The following MYO15A variants were observed in gnomAD, a reference collection of about 807,000 sequenced individuals.
MYO15A encodes the protein myosin XVA.
In MYO15A, 308 loss-of-function variants were observed where a neutral mutation model predicts 394.6. That is an observed-to-expected ratio of 0.78 (90% confidence interval 0.71 to 0.86). The LOEUF (loss-of-function observed/expected upper bound fraction) is 0.86. Ranked by LOEUF, MYO15A falls within the 40% of genes least tolerant of loss-of-function variation. The probability of loss-of-function intolerance (pLI) is 0.00; values close to 1 mark genes in which losing one functional copy is unlikely to be tolerated. For missense variants in MYO15A, 4,606 were observed against 4,799.1 expected, an observed-to-expected ratio of 0.96 and a Z score of 1.19; for synonymous variants, 1,957 against 2,003.8, an observed-to-expected ratio of 0.98 and a Z score of 0.62.
chr17:18,120,491 C>G lies in MYO15A; in HGVS notation c.1691C>G (p.Pro564Arg). 6.4e-7 allele frequency: 1 copy of G among 1,573,730 alleles called. No individual in the cohort carries two copies. The highest frequency in any genetic ancestry group is 1.7e-4 in the Middle Eastern group (1 of 5,764). Reference protein sequence around the residue: ...GLGFGPEFGRPVPRPATSLAR... With the variant: ...GLGFGPEFGRRVPRPATSLAR... ...GGCTTCGGCCCTGAGTTTGGCCGCC[C>G]CGTGCCTCGCCCTGCCACCTCGCTT... The change falls in exon 2 of 66, where the codon CCC (proline) becomes CGC (arginine). Residue 564 changes from proline to arginine, a missense_variant. Physicochemically the swap from Pro to Arg is moderately radical, Grantham distance 103. Around this residue, in one of 2 missense-constraint regions of MYO15A, gnomAD observed 1,830 missense variants for 1,689.7 expected, o/e 1.08. Coordinates refer to ENST00000647165, the MANE Select transcript of MYO15A (RefSeq NM_016239.4).
Position 18,148,246 on chromosome 17 carries a change from G to C in MYO15A, c.6691+36G>C, listed in dbSNP as rs770309483. ...TTCCCCCACCTCAGTGAGGGCAGTG[G>C]GAGTCAGCAGGGCCCAGTGAGCCCC... On this transcript the variant is annotated intron_variant, in intron 31 of 65. Transcript: ENST00000647165. This position sits in a 1 kb window ranked among gnomAD's most constrained non-coding sequence, Gnocchi z 4.8. 1.4e-5 allele frequency: 23 copies of C among 1,611,580 alleles called. No individual in the cohort carries two copies. The Admixed American group carries it at 3.8e-4, about 27-fold the overall frequency.
intron 65 of MYO15A, among the ~76,000 whole-genome samples, chr17:18,175,290 A>ATTTTTTTTTTTTTT (rs1474662829): frequency 1.2e-3 from 67 of 56,082 alleles, no homozygotes; most frequent in Non-Finnish European, 1.9e-3. Context: ...CCTCTAGACT[A>ATTTTTTTTTTTTTT]TCTTTTTTTT....
In MYO15A at chr17:18,148,669, A is replaced by T. The variant is rs2046524491; in HGVS notation, c.6765-92A>T. On this transcript the variant is annotated intron_variant, in intron 32 of 65. Transcript: ENST00000647165. This position sits in a 1 kb window ranked among gnomAD's most constrained non-coding sequence, Gnocchi z 4.8. ...GGGTCCCATAGGGTCCATTCTGTTCATGTTTAGGGTCTGGCTTATAACCCA... is the reference window on the plus strand; with the variant it reads ...GGGTCCCATAGGGTCCATTCTGTTCTTGTTTAGGGTCTGGCTTATAACCCA... 1.3e-6 allele frequency: 2 copies of T among 1,545,566 alleles called. No individual in the cohort carries two copies. The highest frequency in any genetic ancestry group is 1.7e-6 in the Non-Finnish European group (2 of 1,143,196).
chr17:18,172,358 G>A (rs771048130), intron 64 of MYO15A, 68 bp downstream of exon 64: 8 of 1,610,900 alleles, frequency 5.0e-6, no homozygotes, highest in Non-Finnish European at 6.8e-6. Context: ...CCCTCCAAGA[G>A]GCCAAGACCT....
intron 62 of MYO15A, among the ~76,000 whole-genome samples, chr17:18,171,170 A>C (rs999915062): frequency 4.6e-5 from 7 of 152,218 alleles, no homozygotes. Context: ...GCTGATGCCC[A>C]GGGGCCTCAG....
rs566186249 is a variant in MYO15A at position 18,163,447 on chromosome 17, C to A, written c.9690+126C>A. 2.5e-5 allele frequency: 26 copies of A among 1,045,304 alleles called. No homozygotes were observed. In the African/African-American group the frequency reaches 3.3e-4, roughly 13 times the overall value. The allele number at this position is 1,045,304 out of a possible 1,614,324, so 64.8% of individuals were successfully genotyped here. Reference sequence around the variant, plus strand: ...AGCCCTCCCAGGCTCTCCCACAGCCCCACAAGGCAGGACTTATTTCTCAGA... The same window carrying A: ...AGCCCTCCCAGGCTCTCCCACAGCCACACAAGGCAGGACTTATTTCTCAGA... On this transcript the variant is annotated intron_variant, in intron 59 of 65. Coordinates refer to ENST00000647165, the MANE Select transcript of MYO15A (RefSeq NM_016239.4).
intron 44 of MYO15A, 108 bp downstream of exon 44, chr17:18,154,298 T>C: frequency 7.5e-7 from 1 of 1,324,640 alleles, no homozygotes; most frequent in African/African-American, 1.4e-5. Context: ...TTTGGGGTCC[T>C]TGACAGGGGT....
chr17:18,143,979 G>A lies in MYO15A; in HGVS notation c.6156G>A (p.Lys2052=), dbSNP rs762686851. 2.5e-6 allele frequency: 4 copies of A among 1,613,546 alleles called. No homozygotes were observed. The highest frequency in any genetic ancestry group is 3.4e-6 in the Non-Finnish European group (4 of 1,179,990). ...PLDINNYPMA[K]FVQCHFKEPA... The stretch of plus-strand genomic sequence containing the variant: ...ACATCAACAACTATCCTATGGCCAA[G>A]TTTGTCCAGTGCCACTTCAAGGTAA... Residue 2052 remains lysine, a synonymous_variant, in exon 28 of 66, where the codon AAG becomes AAA. Transcript: ENST00000647165.
chr17:18,137,706 T>A, intron 16 of MYO15A, 27 bp downstream of exon 16: 2 of 1,608,280 alleles, frequency 1.2e-6, no homozygotes, highest in Non-Finnish European at 1.7e-6. Flanking sequence ...AATACTCCTG[T>A]CCCTGTCTTG....
In MYO15A at chr17:18,140,606, G is replaced by T. The variant is rs371647200; in HGVS notation, c.5301G>T (p.Ala1767=). 3.7e-6 allele frequency: 6 copies of T among 1,613,728 alleles called. No homozygotes were observed. The highest frequency in any genetic ancestry group is 2.2e-5 in the South Asian group (2 of 91,092). ...KSSSVTRLYK[A]HTVAAKFQQS... ...GCTCCGTCACTCGGCTCTACAAGGC[G>T]CACACTGTGGCCGCCAAGTTCCAGC... The change falls in exon 20 of 66, where the codon GCG becomes GCT. Residue 1767 remains alanine, a synonymous_variant. Coordinates refer to ENST00000647165, the MANE Select transcript of MYO15A (RefSeq NM_016239.4).
At chr17:18,162,543 A>G in intron 57 of MYO15A, 42 bp from the exon 58 acceptor site, 1 of 1,589,608 alleles carries the variant, frequency 6.3e-7, no homozygotes. Context: ...CCTTTCTCCC[A>G]CAGTCCACCT....
At chr17:18,152,217 G>A in intron 42 of MYO15A, 33 bp downstream of exon 42, 3 of 1,538,870 alleles carry the variant, frequency 1.9e-6, no homozygotes, top group Non-Finnish European at 2.6e-6. Flanking sequence ...AGGGGAGGGT[G>A]TCCAAGTATA....
At position 18,151,852 on chromosome 17, in the gene MYO15A, T is replaced by C; in HGVS notation, c.7794T>C (p.Asp2598=). 1 of 1,575,204 alleles carries C rather than the reference T, an allele frequency of 6.3e-7. No homozygotes were observed. ...AGTACTCCAATGCCCACAGGAAGGA[T>C]GGCGGGAAAGTGTTCATGAAGCGGC... ...RGGRPEALRK[D]GGKVFMKRPD... The change falls in exon 41 of 66, where the codon GAT becomes GAC. Residue 2598 remains aspartate, a synonymous_variant. Coordinates refer to ENST00000647165, the MANE Select transcript of MYO15A (RefSeq NM_016239.4).
rs117516506 is a variant in MYO15A at position 18,150,328 on chromosome 17, C to T, written c.7213-101C>T. 3.0e-4 allele frequency: 328 copies of T among 1,090,474 alleles called. 1 individual carries two copies. In the East Asian group the frequency reaches 3.2e-3, roughly 11 times the overall value. 67.5% of individuals were successfully genotyped at this position (1,090,474 alleles called of 1,614,324 possible). On this transcript the variant is annotated intron_variant, in intron 35 of 65. Transcript: ENST00000647165. This position sits in a 1 kb window ranked among gnomAD's most constrained non-coding sequence, Gnocchi z 4.4. ...TGAGCCAGTGGGAGGCTGCCCCCTCCCACGAGAGGGTGGGGAAGAGGCCAG... is the reference window on the plus strand; with the variant it reads ...TGAGCCAGTGGGAGGCTGCCCCCTCTCACGAGAGGGTGGGGAAGAGGCCAG...
At position 18,155,356 on chromosome 17, in the gene MYO15A, G is replaced by A. The variant is rs144830391; in HGVS notation, c.8383G>A (p.Val2795Met). 5.0e-5 allele frequency: 81 copies of A among 1,613,790 alleles called. No individual in the cohort carries two copies. In the African/African-American group the frequency reaches 7.5e-4, roughly 15 times the overall value. ...TGVQLLAVSHVGIKLLRMVKG... is the reference protein window; with the variant it reads ...TGVQLLAVSHMGIKLLRMVKG... ...TGTGCAGCTCCTAGCTGTGTCCCAC[G>A]TGGGCATCAAACTCCTGAGGATGGT... is the stretch of plus-strand genomic sequence containing the variant. The change falls in exon 47 of 66, where the codon GTG (valine) becomes ATG (methionine). Residue 2795 changes from valine to methionine, a missense_variant. This residue lies in a region of MYO15A where 2,776 missense variants were observed against 3,109.3 expected (regional missense o/e 0.89). Coordinates refer to ENST00000647165, the MANE Select transcript of MYO15A (RefSeq NM_016239.4).
chr17:18,171,449 G>T (rs114369331), intron 62 of MYO15A, among the ~76,000 whole-genome samples, 189 bp from the exon 63 acceptor site: 5 of 152,136 alleles, frequency 3.3e-5, no homozygotes, highest in African/African-American at 1.2e-4. Context: ...TACTGGCCCC[G>T]GCCATGATTA....
rs532720133 is a variant in MYO15A, at chr17:18,114,494, C to T, written c.-219-4088C>T. On this transcript the variant is annotated intron_variant, in intron 1 of 65. Transcript: ENST00000647165. ...CTCGAACTCTTGACCACATATGATC[C>T]ACCTGCCTTGGCCTCCCAGAGTGCT... 1.1e-4 allele frequency among the ~76,000 whole-genome samples: 17 copies of T among 152,208 alleles called. No individual in the cohort carries two copies. In the South Asian group the frequency reaches 2.9e-3, roughly 26 times the overall value.
chr17:18,136,686 G>A lies in MYO15A; in HGVS notation c.4779G>A (p.Glu1593=). The change falls in exon 15 of 66, where the codon GAG becomes GAA. Residue 1593 remains glutamate (E), a splice_region_variant and synonymous_variant. Coordinates refer to ENST00000647165, the MANE Select transcript of MYO15A (RefSeq NM_016239.4). Reference sequence around the variant, plus strand: ...CCATCCTGGACATCTATGGTTTCGAGGTGGGGCCGTGTAGGAGGCTGAGGG... The same window carrying A: ...CCATCCTGGACATCTATGGTTTCGAAGTGGGGCCGTGTAGGAGGCTGAGGG... The part of the protein sequence containing the change: ...SIAILDIYGF[E]DLSFNSFEQL... The A allele has an allele frequency of 6.2e-7, 1 of 1,601,748 alleles. No individual in the cohort carries two copies. Among genetic ancestry groups the A allele is most frequent in the Non-Finnish European group, 8.5e-7 (1 of 1,176,098 alleles).
intron 1 of MYO15A, among the ~76,000 whole-genome samples, chr17:18,115,835 A>G (rs2045777270): frequency 6.6e-6 from 1 of 152,004 alleles, no homozygotes; most frequent in Non-Finnish European, 1.5e-5. Context: ...TGCACTGCCC[A>G]CAGGCTCTCT....
Sources: allele counts gnomAD v4.1 joint callset (sites outside exome capture counted in the v4.1 genomes callset), GRCh38; gene constraint gnomAD v4.1.1; regional missense constraint gnomAD v4.1.1; non-coding constraint Gnocchi (gnomAD v3.1); transcripts MANE v1.5; gene names NCBI Gene and HGNC (gene_info 2026-07-23, HGNC 2026-07-21).